RIC1: variants seen among roughly 807,000 people sequenced by gnomAD.
The protein encoded by RIC1 is RIC1 partner of RAB6A GEF complex.
A neutral mutation model predicts 169.0 loss-of-function variants in RIC1; 88 were observed. The observed-to-expected ratio is 0.52, with a 90% CI of 0.44 to 0.62. The LOEUF (loss-of-function observed/expected upper bound fraction) is 0.62, where lower values mean the gene tolerates loss of function less well. Among genes scored for constraint, RIC1 ranks in the 20% least tolerant of loss-of-function variants. RIC1 has a pLI of 0.00. For synonymous variants in RIC1, 790 were observed against 601.5 expected, an observed-to-expected ratio of 1.31 and a Z score of -4.59; for missense variants, 1,877 against 1,725.5, an observed-to-expected ratio of 1.09 and a Z score of -1.56.
chr9:5,723,942 T>C (rs907810378), intron 6 of RIC1, among the ~76,000 whole-genome samples: 2 of 152,218 alleles, frequency 1.3e-5, no homozygotes, highest in Non-Finnish European at 2.9e-5. Context: ...ACCAGTACCA[T>C]GCTGTTTTGG....
rs895588418 is a variant in RIC1, at chr9:5,657,157, T to C, written c.252+467T>C. 1.4e-4 allele frequency among the ~76,000 whole-genome samples: 21 copies of C among 152,302 alleles called. No homozygotes were observed. The East Asian group carries it at 1.5e-3, about 11-fold the overall frequency. On this transcript the variant is annotated intron_variant, in intron 2 of 25. Transcript: ENST00000414202. ...TATTCACATGATATTCTTGAATTTA[T>C]ATTTAAATTCCTCCCTTCCATTCCA...
At chr9:5,684,104 A>T (rs529281460) in intron 2 of RIC1, among the ~76,000 whole-genome samples, 1 of 152,144 alleles carries the variant, frequency 6.6e-6, no homozygotes, top group African/African-American at 2.4e-5. Flanking sequence ...AGGTGAGGTG[A>T]TGCCTTGCCC....
chr9:5,732,212 C>T (rs1199865214), intron 6 of RIC1, among the ~76,000 whole-genome samples, 176 bp from the exon 7 acceptor site: 1 of 152,074 alleles, frequency 6.6e-6, no homozygotes, highest in Non-Finnish European at 1.5e-5. Context: ...TTAAGGGAGA[C>T]TATTTGGTAG....
chr9:5,631,753 G>T (rs940541586), intron 1 of RIC1, among the ~76,000 whole-genome samples: 4 of 151,568 alleles, frequency 2.6e-5, no homozygotes, highest in African/African-American at 9.7e-5. Flanking sequence ...TACATGCCTA[G>T]GTGAGTGGGA....
In RIC1 at chr9:5,629,261, G is replaced by C; in HGVS notation, c.-49G>C. On this transcript the variant is annotated 5_prime_UTR_variant, in exon 1 of 26. Transcript: ENST00000414202. ...GGAGGTGGGCGACCAGCCCGGGGCC[G>C]CTGAGTGTGACGGACGCAACTGGGG... The C allele has an allele frequency of 7.1e-7, 1 of 1,416,868 alleles. No homozygotes were observed. The highest frequency in any genetic ancestry group is 3.0e-5 in the East Asian group (1 of 32,798). 87.8% of individuals were successfully genotyped at this position (1,416,868 alleles called of 1,614,324 possible).
At chr9:5,727,049 G>A (rs867246150) in intron 6 of RIC1, among the ~76,000 whole-genome samples, 16 of 152,050 alleles carry the variant, frequency 1.1e-4, no homozygotes, top group South Asian at 4.2e-4. Context: ...TGCTCTTCTC[G>A]AGGAGTATCT....
intron 4 of RIC1, chr9:5,719,590 A>G (rs997395043): frequency 3.3e-5 from 5 of 152,286 alleles, no homozygotes; most frequent in African/African-American, 9.6e-5. Flanking sequence ...GCCTGGAACT[A>G]TACTCCAATA....
In RIC1 at chr9:5,772,984, T is replaced by C; in HGVS notation, c.3887T>C (p.Ile1296Thr). Residue 1296 changes from isoleucine to threonine, a missense_variant, in exon 25 of 26, where the codon ATT becomes ACT. By Grantham distance (89) the Ile-to-Thr change is moderately conservative. Around this residue, in one of 3 missense-constraint regions of RIC1, gnomAD observed 681 missense variants for 582.0 expected, o/e 1.17. Coordinates refer to ENST00000414202, the MANE Select transcript of RIC1 (RefSeq NM_020829.4). ...AGAGAATCCTCAATAATCAATCAGA[T>C]TTTGGTTATTACACAGTCTTCAGAG... ...ILRESSIINQILVITQSSEVD... is the reference protein window; with the variant it reads ...ILRESSIINQTLVITQSSEVD... 6.2e-7 allele frequency: 1 copy of C among 1,612,900 alleles called. No individual in the cohort carries two copies. Among genetic ancestry groups the C allele is most frequent in the South Asian group, 1.1e-5 (1 of 91,064 alleles).
In RIC1 at chr9:5,775,243, A is replaced by C. The variant is rs749176216; in HGVS notation, c.*997A>C. ...AATAAAGATGGACTTCTATGTAAAT[A>C]GACTGCTGAATCCTGTATTACCACG... On this transcript the variant is annotated 3_prime_UTR_variant, in exon 26 of 26. Transcript: ENST00000414202. 1 of 152,224 alleles carries C rather than the reference A, an allele frequency of 6.6e-6. No individual in the cohort carries two copies. Among genetic ancestry groups the C allele is most frequent in the Admixed American group, 6.5e-5 (1 of 15,282 alleles). 9.4% of individuals were successfully genotyped at this position (152,224 alleles called of 1,614,324 possible).
At chr9:5,745,087 A>G (rs1425132459) in intron 10 of RIC1, among the ~76,000 whole-genome samples, 1 of 152,190 alleles carries the variant, frequency 6.6e-6, no homozygotes, top group Admixed American at 6.5e-5. Flanking sequence ...ATTTCTATAA[A>G]TACCAATCAG....
intron 2 of RIC1, among the ~76,000 whole-genome samples, chr9:5,663,772 C>T (rs936424848): frequency 8.5e-5 from 13 of 152,106 alleles, no homozygotes; most frequent in African/African-American, 2.2e-4. Context: ...GCTTGCCATT[C>T]TGTGTCTTTT....
At chr9:5,768,949 T>C (rs1159175662) in intron 21 of RIC1, 21 bp from the exon 22 acceptor site, 2 of 1,588,156 alleles carry the variant, frequency 1.3e-6, no homozygotes, top group African/African-American at 1.4e-5. Flanking sequence ...TTCTGTAGCT[T>C]TCTTGTGTTT....
intron 7 of RIC1, among the ~76,000 whole-genome samples, chr9:5,734,130 A>G (rs1824548441): frequency 6.7e-6 from 1 of 150,134 alleles, no homozygotes; most frequent in South Asian, 2.1e-4. Context: ...ATTTTTTGAG[A>G]CAGTCTCGCT....
intron 7 of RIC1, 50 bp downstream of exon 7, chr9:5,732,529 C>A: frequency 3.2e-6 from 4 of 1,253,902 alleles, no homozygotes; most frequent in Admixed American, 2.4e-5. Context: ...GCAAAAAATA[C>A]TGGTTTTTTT....
At chr9:5,721,236 C>T (rs1823566842) in intron 6 of RIC1, among the ~76,000 whole-genome samples, 1 of 152,032 alleles carries the variant, frequency 6.6e-6, no homozygotes, top group African/African-American at 2.4e-5. Flanking sequence ...CCATTAGTAC[C>T]GAAACCATGT....
At chr9:5,768,027 C>T (rs1259691630) in intron 21 of RIC1, among the ~76,000 whole-genome samples, 2 of 152,210 alleles carry the variant, frequency 1.3e-5, no homozygotes, top group Non-Finnish European at 2.9e-5. Context: ...GGAAAATAAA[C>T]TTAGTTATGT....
At chr9:5,692,445 T>G (rs1410988268) in intron 3 of RIC1, among the ~76,000 whole-genome samples, 2 of 152,080 alleles carry the variant, frequency 1.3e-5, no homozygotes, top group East Asian at 1.9e-4. Context: ...AGTGTTTACT[T>G]CATTTCTAAG....
At chr9:5,642,997 A>G (rs143920674) in intron 1 of RIC1, among the ~76,000 whole-genome samples, 6 of 152,314 alleles carry the variant, frequency 3.9e-5, no homozygotes, top group African/African-American at 1.4e-4. Flanking sequence ...ATGAAGGAAT[A>G]CAATAAAAAC....
At chr9:5,768,807 G>GTA (rs1228955958) in intron 21 of RIC1, among the ~76,000 whole-genome samples, 163 bp from the exon 22 acceptor site, 3 of 152,176 alleles carry the variant, frequency 2.0e-5, no homozygotes, top group African/African-American at 7.2e-5. Context: ...GGGTTGTGGT[G>GTA]TAACACGGAG....
Sources: gnomAD v4.1 joint callset for allele counts (sites outside exome capture counted in the v4.1 genomes callset) on GRCh38, gnomAD v4.1.1 for gene constraint, gnomAD v4.1.1 regional missense constraint, MANE v1.5 for transcripts, NCBI Gene and HGNC (gene_info 2026-07-23, HGNC 2026-07-21) for gene names.